Variants in CNKSR2 observed in about 807,000 individuals in gnomAD.
CNKSR2 encodes connector enhancer of kinase suppressor of Ras 2.
CNKSR2 carries 14 observed loss-of-function variants against 84.4 expected under a neutral mutation model. The observed-to-expected ratio is 0.17, with a 90% confidence interval of 0.11 to 0.26. The LOEUF is 0.26. Ranked by LOEUF, CNKSR2 falls within the 10% of genes least tolerant of loss-of-function variation. CNKSR2 has a pLI of 1.00. For synonymous variants in CNKSR2, 275 were observed against 277.9 expected, an observed-to-expected ratio of 0.99 and a Z score of 0.10; for missense variants, 485 against 771.2, an observed-to-expected ratio of 0.63 and a Z score of 4.40.
At chrX:21,521,615 A>G (rs991210636) in intron 9 of CNKSR2, among the ~76,000 whole-genome samples, 3 of 110,838 alleles carry the variant, frequency 2.7e-5, no homozygotes, top group Non-Finnish European at 3.8e-5. Flanking sequence ...GTTAGCCTCA[A>G]TACAATGTGC....
chrX:21,421,796 A>G (rs183322009), intron 1 of CNKSR2: 1 of 110,784 alleles, frequency 9.0e-6, no homozygotes, highest in African/African-American at 3.3e-5. Context: ...GGGGAGCATG[A>G]TAAAATTCAG....
chrX:21,437,425 T>G (rs2090722033), intron 3 of CNKSR2, among the ~76,000 whole-genome samples: 1 of 102,343 alleles, frequency 9.8e-6, no homozygotes, highest in Non-Finnish European at 2.0e-5. Flanking sequence ...TGTAGTTTTT[T>G]TTTTTTTTTT....
intron 6 of CNKSR2, among the ~76,000 whole-genome samples, chrX:21,497,008 A>AT (rs1017261722): frequency 6.3e-5 from 7 of 110,288 alleles, no homozygotes; most frequent in Middle Eastern, 4.8e-3. Context: ...CCTTATTGTG[A>AT]TTTTTTTTCT....
chrX:21,654,041 C>T lies in CNKSR2; in HGVS notation c.*1520C>T, dbSNP rs1255564014. ...TTTGCTTTTGAAACCACCATTGAATCACTATCGTTTTGCAGACTTTGCACA... is the reference window on the plus strand; with the variant it reads ...TTTGCTTTTGAAACCACCATTGAATTACTATCGTTTTGCAGACTTTGCACA... On this transcript the variant is annotated 3_prime_UTR_variant, in exon 22 of 22. Coordinates refer to ENST00000379510, the MANE Select transcript of CNKSR2 (RefSeq NM_014927.5). The T allele has an allele frequency of 3.6e-5, 4 of 110,537 alleles. No individual in the cohort carries two copies. Among genetic ancestry groups the T allele is most frequent in the Non-Finnish European group, 7.6e-5 (4 of 52,934 alleles). 9.1% of individuals were successfully genotyped at this position (110,537 alleles called of 1,213,427 possible).
intron 3 of CNKSR2, among the ~76,000 whole-genome samples, chrX:21,435,694 T>A (rs1026188771): frequency 1.8e-5 from 2 of 111,939 alleles, no homozygotes; most frequent in African/African-American, 6.5e-5. Flanking sequence ...CAGTTTTCTG[T>A]GGCTTTGCCA....
intron 1 of CNKSR2, among the ~76,000 whole-genome samples, chrX:21,395,246 A>G (rs1273824578): frequency 8.9e-6 from 1 of 111,893 alleles, no homozygotes; most frequent in African/African-American, 3.2e-5. Flanking sequence ...CATATATAAG[A>G]CTTCATTTTG....
intron 4 of CNKSR2, among the ~76,000 whole-genome samples, chrX:21,457,075 T>G (rs1425322719): frequency 9.0e-6 from 1 of 111,632 alleles, no homozygotes; most frequent in Non-Finnish European, 1.9e-5. Flanking sequence ...TGTTTCTATT[T>G]TTGCTGTTGA....
chrX:21,617,536 CTCTTT>C (rs2092582497), intron 20 of CNKSR2, among the ~76,000 whole-genome samples: 1 of 111,951 alleles, frequency 8.9e-6, no homozygotes, highest in African/African-American at 3.2e-5. Context: ...AAGCCACCTT[CTCTTT>C]TCTTTACTCT....
intron 20 of CNKSR2, among the ~76,000 whole-genome samples, chrX:21,648,567 T>G (rs765340134): frequency 9.0e-6 from 1 of 111,116 alleles, no homozygotes; most frequent in East Asian, 2.8e-4. Flanking sequence ...AATCAAATAA[T>G]CCTATTATTT....
At chrX:21,552,752 T>C (rs1208881402) in intron 11 of CNKSR2, among the ~76,000 whole-genome samples, 1 of 112,093 alleles carries the variant, frequency 8.9e-6, no homozygotes, top group Non-Finnish European at 1.9e-5. Flanking sequence ...AGAAAGATCA[T>C]TACATGGTGT....
chrX:21,439,978 T>C (rs1180849436), intron 3 of CNKSR2, among the ~76,000 whole-genome samples: 1 of 110,097 alleles, frequency 9.1e-6, no homozygotes, highest in Non-Finnish European at 1.9e-5. Context: ...CCAATATTTC[T>C]CAGGAACTTA....
intron 20 of CNKSR2, among the ~76,000 whole-genome samples, chrX:21,648,047 A>AT (rs974818822): frequency 1.8e-5 from 2 of 111,379 alleles, no homozygotes; most frequent in Non-Finnish European, 3.8e-5. Context: ...CCAGTCTCTC[A>AT]TTTTTTTCTC....
intron 1 of CNKSR2, among the ~76,000 whole-genome samples, chrX:21,410,790 TTG>T (rs36094917): frequency 0.01 from 1,069 of 103,390 alleles, 11 homozygotes; most frequent in African/African-American, 0.032. Context: ...CACCAAAGGA[TTG>T]TGTGTGTGTG....
chrX:21,398,018 C>T (rs1373282488), intron 1 of CNKSR2, among the ~76,000 whole-genome samples: 1 of 111,608 alleles, frequency 9.0e-6, no homozygotes, highest in Non-Finnish European at 1.9e-5. Context: ...GACTTTATAT[C>T]ATTTAAACTG....
intron 15 of CNKSR2, chrX:21,592,734 C>G (rs2092428359): frequency 9.0e-6 from 1 of 110,969 alleles, no homozygotes; most frequent in African/African-American, 3.3e-5. Flanking sequence ...CACACAATTA[C>G]CTAAAATACC....
intron 5 of CNKSR2, among the ~76,000 whole-genome samples, chrX:21,484,324 A>G (rs2091356740): frequency 9.0e-6 from 1 of 111,668 alleles, no homozygotes; most frequent in African/African-American, 3.3e-5. Flanking sequence ...ACAAAACAAA[A>G]CAAAAACCCA....
At chrX:21,462,476 C>T in intron 4 of CNKSR2, among the ~76,000 whole-genome samples, 1 of 111,091 alleles carries the variant, frequency 9.0e-6, no homozygotes, top group South Asian at 3.8e-4. Context: ...TTATCATCTG[C>T]AAGCAGTGGT....
chrX:21,454,808 A>G (rs1268373956), intron 4 of CNKSR2, among the ~76,000 whole-genome samples: 1 of 112,167 alleles, frequency 8.9e-6, no homozygotes, highest in Admixed American at 9.5e-5. Context: ...ATTTTCAAAT[A>G]TACCATCTCA....
intron 20 of CNKSR2, among the ~76,000 whole-genome samples, chrX:21,611,976 G>C (rs891322539): frequency 1.8e-5 from 2 of 111,812 alleles, no homozygotes; most frequent in Non-Finnish European, 3.8e-5. Flanking sequence ...CAAACTGTTC[G>C]TAACAGAGTA....
Sources: gnomAD v4.1 joint callset for allele counts (sites outside exome capture counted in the v4.1 genomes callset) on GRCh38, gnomAD v4.1.1 for gene constraint, MANE v1.5 for transcripts, NCBI Gene and HGNC (gene_info 2026-07-23, HGNC 2026-07-21) for gene names.